Variants in SLC9A2 observed in about 807,000 individuals in gnomAD.
The protein encoded by SLC9A2 is sodium/hydrogen exchanger 2.
SLC9A2 carries 42 observed loss-of-function variants against 71.7 expected under a neutral mutation model. That is an observed-to-expected ratio of 0.59 (90% CI 0.46 to 0.76). The LOEUF is 0.76. Ranked by LOEUF, SLC9A2 falls within the 30% of genes least tolerant of loss-of-function variation. The probability of loss-of-function intolerance (pLI) is 0.00; values close to 1 mark genes in which losing one functional copy is unlikely to be tolerated. For synonymous variants in SLC9A2, 396 were observed against 392.5 expected (o/e 1.01, Z -0.10); for missense variants, 829 against 1,017.4 (o/e 0.81, Z 2.52).
intron 3 of SLC9A2, among the ~76,000 whole-genome samples, chr2:102,680,586 G>C (rs1677434118): frequency 6.6e-6 from 1 of 152,080 alleles, no homozygotes; most frequent in African/African-American, 2.4e-5. Flanking sequence ...CAGAGGCCAT[G>C]CTCATCCGGG....
intron 1 of SLC9A2, among the ~76,000 whole-genome samples, chr2:102,624,917 A>G (rs1400099492): frequency 6.6e-6 from 1 of 152,186 alleles, no homozygotes; most frequent in African/African-American, 2.4e-5. Flanking sequence ...AATTACAGAG[A>G]CTTTGATCTC....
intron 1 of SLC9A2, among the ~76,000 whole-genome samples, chr2:102,645,335 A>T (rs1397693414): frequency 6.6e-6 from 1 of 152,188 alleles, no homozygotes; most frequent in African/African-American, 2.4e-5. Context: ...AAATCCACAA[A>T]GACGAAAAAA....
At chr2:102,631,762 G>T (rs562459748) in intron 1 of SLC9A2, among the ~76,000 whole-genome samples, 6 of 151,608 alleles carry the variant, frequency 4.0e-5, no homozygotes, top group Non-Finnish European at 8.8e-5. Context: ...CAATCTGAAG[G>T]ATGTGGGGGT....
Position 102,705,881 on chromosome 2 carries a change from T to C in SLC9A2, c.2013T>C (p.Pro671=), listed in dbSNP as rs1677965384. The C allele has an allele frequency of 3.7e-6, 6 of 1,605,774 alleles. No homozygotes were observed. The highest frequency in any genetic ancestry group is 5.1e-6 in the Non-Finnish European group (6 of 1,176,026). ...CAACCTCCCGATATTTATCCTTACC[T>C]AAAAATACGAAGCTTCCAGAAAAGC... is the stretch of plus-strand genomic sequence containing the variant. ...STSTSRYLSL[P]KNTKLPEKLQ... Residue 671 remains proline, a synonymous_variant, in exon 11 of 12, where the codon CCT becomes CCC. Coordinates refer to ENST00000233969, the MANE Select transcript of SLC9A2 (RefSeq NM_003048.6).
chr2:102,694,427 G>A lies in SLC9A2; in HGVS notation c.1439G>A (p.Arg480Gln), dbSNP rs1189263323. 2.7e-6 allele frequency: 4 copies of A among 1,493,348 alleles called. No homozygotes were observed. Among genetic ancestry groups the A allele is most frequent in the Non-Finnish European group, 3.6e-6 (4 of 1,101,902 alleles). The allele number at this position is 1,493,348 out of a possible 1,614,324, so 92.5% of individuals were successfully genotyped here. A position where few individuals can be genotyped will look rare whatever the true frequency, so the allele number is the denominator to read the frequency against. Residue 480 changes from arginine to glutamine, a missense_variant, in exon 6 of 12, where the codon CGA becomes CAA. Physicochemically the swap from Arg to Gln is conservative, Grantham distance 43 (BLOSUM62 1). Coordinates refer to ENST00000233969, the MANE Select transcript of SLC9A2 (RefSeq NM_003048.6). Reference protein sequence around the residue: ...FTVFILGITIRPLVEFLDVKR... With the variant: ...FTVFILGITIQPLVEFLDVKR... The stretch of plus-strand genomic sequence containing the variant: ...TTTCCTGTTCAGGGAATAACTATTC[G>A]ACCACTGGTGGAGTTTCTTGATGTC...
At chr2:102,667,841 G>A (rs1343691456) in intron 3 of SLC9A2, among the ~76,000 whole-genome samples, 2 of 152,022 alleles carry the variant, frequency 1.3e-5, no homozygotes, top group Non-Finnish European at 2.9e-5. Context: ...AGGATGAGAC[G>A]GGTGGATCAA....
At chr2:102,649,282 T>C (rs1028220756) in intron 1 of SLC9A2, among the ~76,000 whole-genome samples, 56 of 152,188 alleles carry the variant, frequency 3.7e-4, no homozygotes, top group African/African-American at 1.3e-3. Flanking sequence ...TGTAGAAAAC[T>C]GAAACTGGAC....
chr2:102,644,195 A>T (rs1268934413), intron 1 of SLC9A2, among the ~76,000 whole-genome samples: 1 of 151,958 alleles, frequency 6.6e-6, no homozygotes, highest in Non-Finnish European at 1.5e-5. Context: ...CAGAAGCAGG[A>T]TAGGGCATCA....
chr2:102,656,061 C>A (rs1252081220), intron 1 of SLC9A2, among the ~76,000 whole-genome samples: 1 of 152,208 alleles, frequency 6.6e-6, no homozygotes, highest in African/African-American at 2.4e-5. Flanking sequence ...GGGGGACAGC[C>A]AAAGCGTAGC....
chr2:102,636,065 T>G (rs1329902302), intron 1 of SLC9A2, among the ~76,000 whole-genome samples: 1 of 152,194 alleles, frequency 6.6e-6, no homozygotes, highest in Non-Finnish European at 1.5e-5. Flanking sequence ...ACCATTATTT[T>G]AATGGAACGT....
intron 7 of SLC9A2, among the ~76,000 whole-genome samples, chr2:102,696,276 C>T (rs1334166821): frequency 5.3e-5 from 8 of 151,948 alleles, no homozygotes; most frequent in Non-Finnish European, 1.0e-4. Flanking sequence ...ACTGGCTAGG[C>T]GAGACTTTGG....
chr2:102,652,292 T>C (rs1414465422), intron 1 of SLC9A2, among the ~76,000 whole-genome samples: 4 of 152,174 alleles, frequency 2.6e-5, no homozygotes. Context: ...TGAGGTTTCT[T>C]CACTAGCTCC....
chr2:102,640,382 G>A (rs934301039), intron 1 of SLC9A2, among the ~76,000 whole-genome samples: 4 of 152,106 alleles, frequency 2.6e-5, no homozygotes, highest in Admixed American at 6.5e-5. Context: ...TTAAGGGCTC[G>A]GTCCCACAAA....
intron 1 of SLC9A2, among the ~76,000 whole-genome samples, chr2:102,642,457 G>A (rs1458795018): frequency 6.6e-6 from 1 of 151,460 alleles, no homozygotes; most frequent in East Asian, 1.9e-4. Context: ...TTAGCCTATC[G>A]ATACGATGGA....
chr2:102,682,509 C>G (rs576339393), intron 3 of SLC9A2, among the ~76,000 whole-genome samples: 62 of 152,240 alleles, frequency 4.1e-4, no homozygotes, highest in African/African-American at 1.5e-3. Context: ...TTCCTTTTCT[C>G]CAGGTGCCAT....
Position 102,699,768 on chromosome 2 carries a change from G to A in SLC9A2, c.1587-1302G>A, listed in dbSNP as rs143360332. Among the ~76,000 whole-genome samples, 5 of 152,166 alleles carry A rather than the reference G, an allele frequency of 3.3e-5. No individual in the cohort carries two copies. In the East Asian group the frequency reaches 7.7e-4, roughly 24 times the overall value. On this transcript the variant is annotated intron_variant, in intron 7 of 11. Transcript: ENST00000233969. ...AAGTCAGACAGCAAGGTGTCAGCAG[G>A]GCTCATTTCTTCTGAGGGCCACGAG...
At chr2:102,666,966 T>C (rs1028262837) in intron 3 of SLC9A2, among the ~76,000 whole-genome samples, 1 of 152,218 alleles carries the variant, frequency 6.6e-6, no homozygotes, top group Non-Finnish European at 1.5e-5. Context: ...GATCATTTGA[T>C]TGGGGGCTAG....
chr2:102,642,042 T>TGTA (rs368511032), intron 1 of SLC9A2, among the ~76,000 whole-genome samples: 2 of 149,696 alleles, frequency 1.3e-5, no homozygotes, highest in African/African-American at 4.9e-5. Context: ...GAACTTAAAA[T>TGTA]ATAATAATAA....
intron 2 of SLC9A2, among the ~76,000 whole-genome samples, chr2:102,659,991 C>A (rs573901892): frequency 1.3e-5 from 2 of 152,272 alleles, no homozygotes; most frequent in East Asian, 3.9e-4. Flanking sequence ...CACACCAGGC[C>A]TCCACACTGC....
Sources: allele counts gnomAD v4.1 joint callset (sites outside exome capture counted in the v4.1 genomes callset), GRCh38; gene constraint gnomAD v4.1.1; transcripts MANE v1.5; gene names NCBI Gene and HGNC (gene_info 2026-07-23, HGNC 2026-07-21).